Variants in PTPRG observed in about 807,000 individuals in gnomAD.
PTPRG encodes the protein protein tyrosine phosphatase receptor type G, also known as receptor-type tyrosine-protein phosphatase gamma.
In PTPRG, 102 loss-of-function variants were observed where a neutral mutation model predicts 165.3. That is an observed-to-expected ratio of 0.62 (90% CI 0.53 to 0.73). The LOEUF (loss-of-function observed/expected upper bound fraction) is 0.73. Ranked by LOEUF, PTPRG falls within the 30% of genes least tolerant of loss-of-function variation. The pLI is 0.00. For missense variants in PTPRG, 1,866 were observed against 1,861.4 expected (o/e 1.00, Z -0.05); for synonymous variants, 675 against 669.5 (o/e 1.01, Z -0.13).
intron 1 of PTPRG, among the ~76,000 whole-genome samples, chr3:61,726,276 CTCTT>C (rs1486245974): frequency 1.1e-4 from 17 of 152,130 alleles, no homozygotes. Context: ...TGTTTACCAT[CTCTT>C]TCAAGCGAAA....
chr3:61,732,421 C>CA (rs2032538671), intron 1 of PTPRG, among the ~76,000 whole-genome samples: 1 of 151,946 alleles, frequency 6.6e-6, no homozygotes, highest in Non-Finnish European at 1.5e-5. Context: ...ACTAAAAATA[C>CA]AAAAAATTAG....
rs1281161774 is a variant in PTPRG, at chr3:62,229,642, C to CAATCCA, written c.2289-1582_2289-1581insATCCAA. Among the ~76,000 whole-genome samples the CAATCCA allele has an allele frequency of 2.0e-5, 3 of 152,184 alleles. No homozygotes were observed. Among genetic ancestry groups the CAATCCA allele is most frequent in the African/African-American group, 7.2e-5 (3 of 41,446 alleles). The stretch of plus-strand genomic sequence containing the variant: ...TGTTCAGTCTATTCTAGGTAACAAC[C>CAATCCA]ATCTTTCTTTGGATTTCTCAGAATT... On this transcript the variant is annotated intron_variant, in intron 13 of 29. Coordinates refer to ENST00000474889, the MANE Select transcript of PTPRG (RefSeq NM_002841.4). The surrounding 1 kb of genome is among the most constrained non-coding windows in gnomAD (Gnocchi z 4.6).
intron 2 of PTPRG, among the ~76,000 whole-genome samples, chr3:61,859,270 G>T (rs542222253): frequency 6.6e-6 from 1 of 152,188 alleles, no homozygotes; most frequent in East Asian, 1.9e-4. Context: ...AGATATGAAA[G>T]ACCTTAGGTT....
At chr3:62,085,597 T>C (rs1409927323) in intron 5 of PTPRG, among the ~76,000 whole-genome samples, 1 of 152,202 alleles carries the variant, frequency 6.6e-6, no homozygotes, top group African/African-American at 2.4e-5. Context: ...TTTTCTTTAC[T>C]AGGGTTCCTC....
At chr3:61,906,372 T>C (rs972826915) in intron 2 of PTPRG, among the ~76,000 whole-genome samples, 4 of 151,502 alleles carry the variant, frequency 2.6e-5, no homozygotes, top group African/African-American at 4.9e-5. Flanking sequence ...AGGAGAATCA[T>C]GTGAACTGCG....
chr3:61,655,594 T>G (rs915585424), intron 1 of PTPRG, among the ~76,000 whole-genome samples: 1 of 152,062 alleles, frequency 6.6e-6, no homozygotes, highest in East Asian at 1.9e-4. Flanking sequence ...ATATTTTGGC[T>G]CTTTTACTTT....
intron 10 of PTPRG, among the ~76,000 whole-genome samples, chr3:62,198,148 GAAAATATAACA>G (rs1442656283): frequency 6.6e-6 from 1 of 152,104 alleles, no homozygotes; most frequent in African/African-American, 2.4e-5. Context: ...CCTTACTGTG[GAAAATATAACA>G]ATAATATAAC....
At chr3:61,671,641 A>C (rs1417625216) in intron 1 of PTPRG, among the ~76,000 whole-genome samples, 2 of 148,724 alleles carry the variant, frequency 1.3e-5, no homozygotes, top group East Asian at 4.0e-4. Context: ...GCCCGTTCTC[A>C]ATGAGCTGTT....
At chr3:61,950,605 T>C (rs184315130) in intron 2 of PTPRG, among the ~76,000 whole-genome samples, 90 of 152,324 alleles carry the variant, frequency 5.9e-4, no homozygotes, top group Non-Finnish European at 1.1e-3. Context: ...ATAGGTTCTT[T>C]CTGTACAGTT....
At chr3:62,265,896 T>TATATATACACACACACAC (rs1553662684) in intron 17 of PTPRG, among the ~76,000 whole-genome samples, 24 of 130,612 alleles carry the variant, frequency 1.8e-4, no homozygotes, top group Middle Eastern at 4.0e-3. Context: ...GTGCCTTATA[T>TATATATACACACACACAC]ACACACACAC....
chr3:61,579,673 A>G (rs1353855802), intron 1 of PTPRG, among the ~76,000 whole-genome samples: 1 of 152,242 alleles, frequency 6.6e-6, no homozygotes, highest in African/African-American at 2.4e-5. Context: ...GTTTCTGTTC[A>G]TACATGGATA....
chr3:61,900,384 A>G (rs755470623), intron 2 of PTPRG, among the ~76,000 whole-genome samples: 16 of 152,030 alleles, frequency 1.1e-4, no homozygotes, highest in African/African-American at 3.6e-4. Flanking sequence ...CTCCTTCCCA[A>G]TCTCTCAATG....
intron 5 of PTPRG, among the ~76,000 whole-genome samples, chr3:62,112,389 C>T (rs1702701618): frequency 6.6e-6 from 1 of 152,242 alleles, no homozygotes; most frequent in Non-Finnish European, 1.5e-5. Flanking sequence ...CAGGCGTGAG[C>T]CATCCCGCCC....
intron 1 of PTPRG, among the ~76,000 whole-genome samples, chr3:61,579,324 A>G (rs973183998): frequency 3.3e-5 from 5 of 152,160 alleles, no homozygotes; most frequent in African/African-American, 1.2e-4. Flanking sequence ...ACTCTTGTGT[A>G]GTATTTTCCA....
intron 2 of PTPRG, among the ~76,000 whole-genome samples, chr3:61,826,855 A>C (rs1199630249): frequency 1.5e-5 from 2 of 135,298 alleles, no homozygotes; most frequent in Admixed American, 1.5e-4. Context: ...TTTTCCGATT[A>C]TGTGGTGGCA....
chr3:61,834,810 C>CAAAAAG (rs58708797), intron 2 of PTPRG, among the ~76,000 whole-genome samples: 33,405 of 151,342 alleles, frequency 0.22, 5,357 homozygotes, highest in African/African-American at 0.44. Context: ...GACTCCATCT[C>CAAAAAG]AAAAAGAAAA....
At chr3:62,088,325 T>C (rs780849623) in intron 5 of PTPRG, among the ~76,000 whole-genome samples, 2 of 152,168 alleles carry the variant, frequency 1.3e-5, no homozygotes, top group African/African-American at 4.8e-5. Context: ...ATCAACTAGC[T>C]AAGTGACTGA....
At chr3:62,092,499 C>T (rs1263115081) in intron 5 of PTPRG, among the ~76,000 whole-genome samples, 2 of 149,972 alleles carry the variant, frequency 1.3e-5, no homozygotes, top group African/African-American at 2.5e-5. Flanking sequence ...GGTTAATATC[C>T]TCAATGCCTA....
Position 62,294,757 on chromosome 3 carries a change from G to A in PTPRG, c.*1450G>A, listed in dbSNP as rs1703007889. On this transcript the variant is annotated 3_prime_UTR_variant, in exon 30 of 30. Coordinates refer to ENST00000474889, the MANE Select transcript of PTPRG (RefSeq NM_002841.4). ...TTGAGGGACAGCTTCTGTCAAAAGT[G>A]AAATCATCACCAGAACTGGGCCTGT... 6.6e-6 allele frequency: 1 copy of A among 152,108 alleles called. No individual in the cohort carries two copies. The highest frequency in any genetic ancestry group is 2.1e-4 in the South Asian group (1 of 4,828). 9.4% of individuals were successfully genotyped at this position (152,108 alleles called of 1,614,324 possible). A position where few individuals can be genotyped will look rare whatever the true frequency, so the allele number is the denominator to read the frequency against.
Sources: allele counts gnomAD v4.1 joint callset (sites outside exome capture counted in the v4.1 genomes callset), GRCh38; gene constraint gnomAD v4.1.1; non-coding constraint Gnocchi (gnomAD v3.1); transcripts MANE v1.5; gene names NCBI Gene and HGNC (gene_info 2026-07-23, HGNC 2026-07-21).